RAB40C: variants seen among roughly 807,000 people sequenced by gnomAD.
RAB40C encodes the protein ras-related protein Rab-40C.
A neutral mutation model predicts 28.1 loss-of-function variants in RAB40C; 8 were observed. The observed-to-expected ratio is 0.28, with a 90% confidence interval of 0.17 to 0.51. The LOEUF (loss-of-function observed/expected upper bound fraction) is 0.51. RAB40C is among the 20% of genes least tolerant of loss of function. The probability of loss-of-function intolerance (pLI) is 0.97; values close to 1 mark genes in which losing one functional copy is unlikely to be tolerated. For synonymous variants in RAB40C, 201 were observed against 171.7 expected, an observed-to-expected ratio of 1.17 and a Z score of -1.34; for missense variants, 288 against 405.9, an observed-to-expected ratio of 0.71 and a Z score of 2.50.
chr16:600,241 C>T (rs975531919), intron 1 of RAB40C, among the ~76,000 whole-genome samples: 3 of 152,260 alleles, frequency 2.0e-5, no homozygotes, highest in Non-Finnish European at 4.4e-5. Flanking sequence ...TGGGTCCTGC[C>T]TGCCCTGGAA....
intron 1 of RAB40C, among the ~76,000 whole-genome samples, chr16:594,029 T>G (rs1033613455): frequency 1.3e-5 from 2 of 152,044 alleles, no homozygotes; most frequent in African/African-American, 4.8e-5. Flanking sequence ...TGGGCCCGTG[T>G]TGGCCCCCAG....
chr16:615,102 T>A (rs1426113850), intron 1 of RAB40C, among the ~76,000 whole-genome samples: 1 of 152,234 alleles, frequency 6.6e-6, no homozygotes, highest in Non-Finnish European at 1.5e-5. Context: ...TTTCTGTTGT[T>A]GAGTTGGAGT....
intron 3 of RAB40C, among the ~76,000 whole-genome samples, chr16:621,111 G>T (rs1207091249): frequency 6.6e-6 from 1 of 152,256 alleles, no homozygotes; most frequent in Non-Finnish European, 1.5e-5. Flanking sequence ...CGAGGAGCAG[G>T]TTACAGACCC....
Position 627,406 on chromosome 16 carries a change from C to T in RAB40C, c.630C>T (p.Asp210=), listed in dbSNP as rs376555072. 13 of 1,613,996 alleles carry T rather than the reference C, an allele frequency of 8.1e-6. No individual in the cohort carries two copies. In the African/African-American group the frequency reaches 1.6e-4, roughly 20 times the overall value. ...CCTGCACCCCCGTGCACCTCATCGA[C>T]AAGCTTCCACTGCCCGTCACCATCA... ...IVSCTPVHLI[D]KLPLPVTIKS... is the part of the protein sequence containing the mutation. The change falls in exon 6 of 6, where the codon GAC becomes GAT. Residue 210 remains aspartate (D), a synonymous_variant. Transcript: ENST00000248139.
At chr16:602,480 T>C (rs2036274067) in intron 1 of RAB40C, among the ~76,000 whole-genome samples, 1 of 152,172 alleles carries the variant, frequency 6.6e-6, no homozygotes, top group African/African-American at 2.4e-5. Flanking sequence ...TCCACCAGGC[T>C]GGAGTGTGAT....
intron 1 of RAB40C, among the ~76,000 whole-genome samples, chr16:613,940 C>G (rs987984135): frequency 6.6e-6 from 1 of 152,152 alleles, no homozygotes; most frequent in African/African-American, 2.4e-5. Flanking sequence ...CAGCTTCACA[C>G]GCAGCTCGGG....
chr16:606,687 C>T (rs1449419836), intron 1 of RAB40C, among the ~76,000 whole-genome samples: 1 of 152,226 alleles, frequency 6.6e-6, no homozygotes, highest in East Asian at 1.9e-4. Context: ...CGAGCCTTTC[C>T]CGGCTTCTCC....
intron 4 of RAB40C, 24 bp from the exon 5 acceptor site, chr16:625,875 G>A (rs761989063): frequency 4.4e-5 from 70 of 1,597,252 alleles, no homozygotes; most frequent in South Asian, 2.1e-4. Context: ...GCGTTTGTGC[G>A]TCTGCTGAGT....
At chr16:607,038 G>A (rs1438864921) in intron 1 of RAB40C, among the ~76,000 whole-genome samples, 5 of 152,196 alleles carry the variant, frequency 3.3e-5, no homozygotes, top group South Asian at 4.1e-4. Context: ...TCAGGTGGCC[G>A]AGGGTCCCAC....
In RAB40C at chr16:627,509, A is replaced by T. The variant is rs975360807; in HGVS notation, c.733A>T (p.Ser245Cys). ...GCACGGCCGTTCCTACTCCCTGGCCAGCGGGGCCGGGGGCGGCGGCAGCAA... is the reference window on the plus strand; with the variant it reads ...GCACGGCCGTTCCTACTCCCTGGCCTGCGGGGCCGGGGGCGGCGGCAGCAA... Reference protein sequence around the residue: ...MMHGRSYSLASGAGGGGSKGN... With the variant: ...MMHGRSYSLACGAGGGGSKGN... The change falls in exon 6 of 6, where the codon AGC becomes TGC. Residue 245 changes from serine (S) to cysteine (C), a missense_variant. Coordinates refer to ENST00000248139, the MANE Select transcript of RAB40C (RefSeq NM_021168.5). 11 of 1,613,694 alleles carry T rather than the reference A, an allele frequency of 6.8e-6. No homozygotes were observed. Among genetic ancestry groups the T allele is most frequent in the Non-Finnish European group, 9.3e-6 (11 of 1,180,010 alleles).
chr16:607,806 A>G (rs563566942), intron 1 of RAB40C, among the ~76,000 whole-genome samples: 1 of 152,328 alleles, frequency 6.6e-6, no homozygotes, highest in South Asian at 2.1e-4. Context: ...CGAAAAGAAA[A>G]GAAAAGAAAG....
At chr16:608,170 C>T (rs148692024) in intron 1 of RAB40C, among the ~76,000 whole-genome samples, 154 of 152,284 alleles carry the variant, frequency 1.0e-3, no homozygotes, top group Admixed American at 5.1e-3. Flanking sequence ...ACAGTCATGG[C>T]GGAAGGTACC....
rs548693167 is a variant in RAB40C, at chr16:627,661, G to C, written c.*39G>C. 5.1e-5 allele frequency: 78 copies of C among 1,536,580 alleles called. No individual in the cohort carries two copies. The highest frequency in any genetic ancestry group is 6.7e-5 in the Non-Finnish European group (76 of 1,140,370). ...GGCCGCCTGTGCAGATGCCAGGAGGGCTCGAGCTGGACACTCCTGGCTGGA... is the reference window on the plus strand; with the variant it reads ...GGCCGCCTGTGCAGATGCCAGGAGGCCTCGAGCTGGACACTCCTGGCTGGA... On this transcript the variant is annotated 3_prime_UTR_variant, in exon 6 of 6. Transcript: ENST00000248139.
intron 1 of RAB40C, among the ~76,000 whole-genome samples, chr16:603,345 C>T (rs1034381155): frequency 2.0e-5 from 3 of 152,226 alleles, no homozygotes; most frequent in East Asian, 1.9e-4. Context: ...ATCAGGCAGG[C>T]GCCGGTTTGC....
intron 3 of RAB40C, among the ~76,000 whole-genome samples, chr16:620,420 T>C (rs189515625): frequency 3.3e-5 from 5 of 152,318 alleles, no homozygotes; most frequent in East Asian, 1.9e-4. Flanking sequence ...GTGTGGGTGA[T>C]TTACATCTAC....
At chr16:615,491 G>A (rs1362865516) in intron 1 of RAB40C, among the ~76,000 whole-genome samples, 2 of 152,176 alleles carry the variant, frequency 1.3e-5, no homozygotes, top group African/African-American at 4.8e-5. Flanking sequence ...CGTGAATGGT[G>A]TTTCTAAGGT....
intron 1 of RAB40C, among the ~76,000 whole-genome samples, chr16:615,584 C>T (rs1031567534): frequency 6.6e-6 from 1 of 152,182 alleles, no homozygotes; most frequent in South Asian, 2.1e-4. Context: ...GTCGTGCCTG[C>T]GTTAAGTGTC....
intron 3 of RAB40C, among the ~76,000 whole-genome samples, chr16:618,482 C>T (rs558563245): frequency 1.3e-3 from 193 of 152,252 alleles, no homozygotes; most frequent in Non-Finnish European, 2.5e-3. Flanking sequence ...CTCCCCCTCC[C>T]GGGTTCAAGC....
chr16:625,955 G>A lies in RAB40C; in HGVS notation c.399G>A (p.Lys133=). ...GAAACCGGCTGCACCTGGCCTTCAA[G>A]CGGCAGGTCCCGACGGAGCAGGCCC... The part of the protein sequence containing the change: ...LVGNRLHLAF[K]RQVPTEQARA... Residue 133 remains lysine, a synonymous_variant, in exon 5 of 6, where the codon AAG becomes AAA. Transcript: ENST00000248139. The A allele has an allele frequency of 6.2e-7, 1 of 1,613,148 alleles. No individual in the cohort carries two copies. The highest frequency in any genetic ancestry group is 8.5e-7 in the Non-Finnish European group (1 of 1,179,980).
Sources: allele counts gnomAD v4.1 joint callset (sites outside exome capture counted in the v4.1 genomes callset), GRCh38; gene constraint gnomAD v4.1.1; transcripts MANE v1.5; gene names NCBI Gene and HGNC (gene_info 2026-07-23, HGNC 2026-07-21).